Variants in DIPK1A observed in about 807,000 individuals in gnomAD.
DIPK1A encodes divergent protein kinase domain 1A.
Under a neutral mutation model 40.8 loss-of-function variants are expected in DIPK1A, and 27 were observed. The ratio of observed to expected loss-of-function variants is 0.66; its 90% CI spans 0.49 to 0.91. The LOEUF (loss-of-function observed/expected upper bound fraction) is 0.91, where lower values mean the gene tolerates loss of function less well. Ranked by LOEUF, DIPK1A falls within the 40% of genes least tolerant of loss-of-function variation. The probability of loss-of-function intolerance (pLI) is 0.00; values close to 1 mark genes in which losing one functional copy is unlikely to be tolerated. For synonymous variants in DIPK1A, 166 were observed against 171.3 expected (o/e 0.97, Z 0.24); for missense variants, 412 against 505.7 (o/e 0.81, Z 1.78).
At chr1:92,942,480 T>C (rs912423377) in intron 1 of DIPK1A, among the ~76,000 whole-genome samples, 4 of 152,330 alleles carry the variant, frequency 2.6e-5, no homozygotes, top group African/African-American at 9.6e-5. Context: ...AACCACAAAA[T>C]TGATTCTAAT....
intron 1 of DIPK1A, among the ~76,000 whole-genome samples, chr1:92,922,036 T>G (rs1650290553): frequency 1.3e-5 from 2 of 152,204 alleles, no homozygotes. Context: ...AAGGTTAGTA[T>G]TTTAAATGTT....
At chr1:92,938,101 G>A (rs776534173) in intron 1 of DIPK1A, among the ~76,000 whole-genome samples, 2 of 151,850 alleles carry the variant, frequency 1.3e-5, no homozygotes, top group Non-Finnish European at 2.9e-5. Flanking sequence ...GTGAAACCTT[G>A]TCTCTACAAT....
At chr1:92,833,066 T>G in intron 4 of DIPK1A, 1 of 723,964 alleles carries the variant, frequency 1.4e-6, no homozygotes, top group Non-Finnish European at 2.5e-6. Context: ...ATTGAAAGCG[T>G]TTAAAACCTT....
At chr1:92,907,838 T>G (rs1429082543) in intron 1 of DIPK1A, among the ~76,000 whole-genome samples, 2 of 152,158 alleles carry the variant, frequency 1.3e-5, no homozygotes, top group African/African-American at 4.8e-5. Context: ...TTTCACTTTA[T>G]GTAAATTCGA....
intron 1 of DIPK1A, among the ~76,000 whole-genome samples, chr1:92,951,548 C>CT (rs1261522220): frequency 1.3e-5 from 2 of 152,170 alleles, no homozygotes; most frequent in African/African-American, 2.4e-5. Context: ...TAACAAAACT[C>CT]TGAGATCAGG....
intron 1 of DIPK1A, chr1:92,932,350 A>T: frequency 6.5e-6 from 1 of 153,136 alleles, no homozygotes; most frequent in South Asian, 2.0e-4. Flanking sequence ...CTGAGGTAGG[A>T]TAATCACTTA....
chr1:92,934,684 A>G (rs995423871), intron 1 of DIPK1A, among the ~76,000 whole-genome samples: 6 of 152,372 alleles, frequency 3.9e-5, no homozygotes, highest in Non-Finnish European at 8.8e-5. Flanking sequence ...ATGGAAACAA[A>G]TGAAAATGAT....
Position 92,944,440 on chromosome 1 carries a change from C to T in DIPK1A, c.54+16936G>A, listed in dbSNP as rs138902346. ...GAAACTTCAAAATAAAAATATAAAACAGAGATCCTGAACAGGAAAAACAGG... is the reference window on the plus strand; with the variant it reads ...GAAACTTCAAAATAAAAATATAAAATAGAGATCCTGAACAGGAAAAACAGG... On this transcript the variant is annotated intron_variant, in intron 1 of 4. Transcript: ENST00000370310. 7.1e-3 allele frequency among the ~76,000 whole-genome samples: 1,088 copies of T among 152,226 alleles called. 10 individuals carry two copies. The highest frequency in any genetic ancestry group is 0.015 in the South Asian group (70 of 4,826).
At chr1:92,873,076 T>C (rs1233773997) in intron 2 of DIPK1A, among the ~76,000 whole-genome samples, 7 of 152,124 alleles carry the variant, frequency 4.6e-5, no homozygotes, top group Non-Finnish European at 1.0e-4. Context: ...AATCAGCAAA[T>C]TCCCCCCAGG....
chr1:92,899,965 G>A (rs1649339881), intron 1 of DIPK1A, among the ~76,000 whole-genome samples: 1 of 151,932 alleles, frequency 6.6e-6, no homozygotes, highest in Admixed American at 6.6e-5. Flanking sequence ...CTCCTGGCCT[G>A]TAAGGTTTCT....
chr1:92,923,434 C>T (rs1055576327), intron 1 of DIPK1A, among the ~76,000 whole-genome samples: 1 of 152,204 alleles, frequency 6.6e-6, no homozygotes, highest in Non-Finnish European at 1.5e-5. Flanking sequence ...CCTCACTCAG[C>T]CTGTTCCTTA....
intron 2 of DIPK1A, among the ~76,000 whole-genome samples, chr1:92,853,758 C>A (rs1167968246): frequency 6.6e-6 from 1 of 152,102 alleles, no homozygotes; most frequent in African/African-American, 2.4e-5. Context: ...ATGAGCATCT[C>A]TTGAAGAAAT....
At chr1:92,905,986 T>C (rs1412773543) in intron 1 of DIPK1A, among the ~76,000 whole-genome samples, 1 of 152,120 alleles carries the variant, frequency 6.6e-6, no homozygotes, top group Non-Finnish European at 1.5e-5. Context: ...GTCTCTGTGC[T>C]TGTTTTTATG....
intron 4 of DIPK1A, chr1:92,835,007 T>C: frequency 6.4e-7 from 1 of 1,564,822 alleles, no homozygotes; most frequent in Non-Finnish European, 8.7e-7. Flanking sequence ...ATAGCTTAAG[T>C]TGTGCTTCAG....
rs193286679 is a variant in DIPK1A at position 92,836,113 on chromosome 1, G to A, written c.475-3079C>T. On this transcript the variant is annotated intron_variant, in intron 4 of 4. Transcript: ENST00000615519. ...TTTTCCAGATGTCAGTGGTCCTTAC[G>A]GTTATGACATAAGCTATTTTAATTT... is the stretch of plus-strand genomic sequence containing the variant. 2.1e-3 allele frequency: 2,801 copies of A among 1,354,774 alleles called. 51 individuals are homozygous for A. The South Asian group carries it at 0.024, about 12-fold the overall frequency. 83.9% of individuals were successfully genotyped at this position (1,354,774 alleles called of 1,614,324 possible).
chr1:92,955,760 G>A (rs1651828722), intron 1 of DIPK1A, among the ~76,000 whole-genome samples: 1 of 151,492 alleles, frequency 6.6e-6, no homozygotes, highest in Non-Finnish European at 1.5e-5. Flanking sequence ...TAGGGGAGGG[G>A]CCAGGCACAG....
intron 1 of DIPK1A, among the ~76,000 whole-genome samples, chr1:92,906,566 T>C (rs1649631061): frequency 6.6e-6 from 1 of 152,142 alleles, no homozygotes; most frequent in Admixed American, 6.6e-5. Context: ...AAAATTCCTA[T>C]TTATATAAGT....
At position 92,876,303 on chromosome 1, in the gene DIPK1A, T is replaced by G. The variant is rs1648122333; in HGVS notation, c.182A>C (p.Lys61Thr). 6.5e-7 allele frequency: 1 copy of G among 1,535,252 alleles called. No homozygotes were observed. ...GAAATTTAAAATACTTACTATTATT[T>G]TCTTACAGTCCTTTCCTCTGCATAA... ...TELCRGKDCK[K>T]IICDKYKTGV... is the part of the protein sequence containing the mutation. Residue 61 changes from lysine to threonine, a missense_variant, in exon 2 of 5, where the codon AAA becomes ACA. Physicochemically the swap from Lys to Thr is moderately conservative, Grantham distance 78. Coordinates refer to ENST00000370310, the MANE Select transcript of DIPK1A (RefSeq NM_001006605.5).
intron 1 of DIPK1A, among the ~76,000 whole-genome samples, chr1:92,901,474 GA>G (rs1649408985): frequency 6.6e-6 from 1 of 152,084 alleles, no homozygotes; most frequent in East Asian, 1.9e-4. Context: ...TGGGCCCACG[GA>G]GCTAGGCTGC....
Sources: gnomAD v4.1 joint callset for allele counts (sites outside exome capture counted in the v4.1 genomes callset) on GRCh38, gnomAD v4.1.1 for gene constraint, MANE v1.5 for transcripts, NCBI Gene and HGNC (gene_info 2026-07-23, HGNC 2026-07-21) for gene names.